NCOA6: variants seen among roughly 807,000 people sequenced by gnomAD.
The protein encoded by NCOA6 is nuclear receptor coactivator 6, also known as NRC RAP250.
In NCOA6, 49 loss-of-function variants were observed where a neutral mutation model predicts 171.4. That is an observed-to-expected ratio of 0.29 (90% CI 0.23 to 0.36). NCOA6 has a LOEUF of 0.36. Ranked by LOEUF, NCOA6 falls within the 10% of genes least tolerant of loss-of-function variation. NCOA6 has a pLI of 1.00. For missense variants in NCOA6, 2,248 were observed against 2,554.5 expected (o/e 0.88, Z 2.59); for synonymous variants, 910 against 927.5 (o/e 0.98, Z 0.34).
intron 12 of NCOA6, 42 bp from the exon 13 acceptor site, chr20:34,732,637 G>A: frequency 6.4e-7 from 1 of 1,556,220 alleles, no homozygotes; most frequent in South Asian, 1.1e-5. Flanking sequence ...TGTGGGAGCT[G>A]CCACAGAGAG....
intron 5 of NCOA6, among the ~76,000 whole-genome samples, chr20:34,768,085 C>T (rs2077034298): frequency 6.6e-6 from 1 of 152,188 alleles, no homozygotes; most frequent in Admixed American, 6.5e-5. Context: ...ACTCAATTCA[C>T]AGATATTCTC....
rs1269198212 is a variant in NCOA6, at chr20:34,749,522, C to T, written c.2673G>A (p.Leu891=). The T allele has an allele frequency of 6.2e-7, 1 of 1,614,172 alleles. No individual in the cohort carries two copies. The highest frequency in any genetic ancestry group is 1.1e-5 in the South Asian group (1 of 91,088). The change falls in exon 9 of 15, where the codon TTG becomes TTA. Residue 891 remains leucine (L), a synonymous_variant. Transcript: ENST00000359003. ...TLTSPLLVNL[L]QSDISAGHFG... ...AATGGCCTGCAGATATGTCACTCTG[C>T]AATAAGTTGACCAACAATGGGCTCG...
intron 14 of NCOA6, among the ~76,000 whole-genome samples, chr20:34,721,729 C>A (rs913043405): frequency 6.6e-6 from 1 of 152,080 alleles, no homozygotes; most frequent in Non-Finnish European, 1.5e-5. Context: ...CAGACCACTA[C>A]CAACCAGTCC....
chr20:34,746,504 A>G (rs1370910117), intron 10 of NCOA6, among the ~76,000 whole-genome samples: 2 of 152,202 alleles, frequency 1.3e-5, no homozygotes, highest in African/African-American at 2.4e-5. Flanking sequence ...TGGCCTCCCA[A>G]AGTGCTGTGA....
chr20:34,757,259 G>A lies in NCOA6; in HGVS notation c.1489C>T (p.Pro497Ser), dbSNP rs771527535. ...PNFMVMQQQPPNQGPQSLHPG... is the reference protein window; with the variant it reads ...PNFMVMQQQPSNQGPQSLHPG... ...TGTAAACTCTGTGGCCCCTGGTTTG[G>A]TGGTTGCTGCTGCATCACCATGAAG... The change falls in exon 7 of 15, where the codon CCA becomes TCA. Residue 497 changes from proline (P) to serine (S), a missense_variant. Physicochemically the swap from Pro to Ser is moderately conservative, Grantham distance 74. Coordinates refer to ENST00000359003, the MANE Select transcript of NCOA6 (RefSeq NM_014071.5). 1 of 1,607,836 alleles carries A rather than the reference G, an allele frequency of 6.2e-7. No homozygotes were observed. The highest frequency in any genetic ancestry group is 1.3e-5 in the African/African-American group (1 of 75,024).
intron 1 of NCOA6, among the ~76,000 whole-genome samples, chr20:34,806,644 T>A (rs1174019296): frequency 6.6e-6 from 1 of 152,212 alleles, no homozygotes; most frequent in Non-Finnish European, 1.5e-5. Context: ...TTTCTCAGCA[T>A]ATGCATTGAA....
At chr20:34,786,736 T>C (rs571616318) in intron 2 of NCOA6, among the ~76,000 whole-genome samples, 6 of 152,288 alleles carry the variant, frequency 3.9e-5, no homozygotes, top group Admixed American at 6.5e-5. Flanking sequence ...GGATTCCCTA[T>C]TTAATAAATG....
intron 14 of NCOA6, among the ~76,000 whole-genome samples, chr20:34,718,522 T>C (rs1988890040): frequency 6.6e-6 from 1 of 152,052 alleles, no homozygotes; most frequent in Admixed American, 6.5e-5. Context: ...TTACTTTTTT[T>C]TTTGAGACAG....
At position 34,776,431 on chromosome 20, in the gene NCOA6, C is replaced by A. The variant is rs769028900; in HGVS notation, c.253G>T (p.Val85Leu). Residue 85 changes from valine to leucine, a missense_variant, in exon 4 of 15, where the codon GTA becomes TTA. Val to Leu is a conservative substitution (Grantham distance 32). Coordinates refer to ENST00000359003, the MANE Select transcript of NCOA6 (RefSeq NM_014071.5). ...CTGTTCCAGGGCTCCACCTTCTGTACTTTTAGCTTGCTGGACTCTTGATTG... is the reference window on the plus strand; with the variant it reads ...CTGTTCCAGGGCTCCACCTTCTGTAATTTTAGCTTGCTGGACTCTTGATTG... ...LLHMESSKLK[V>L]QKVEPWNSVR... is the part of the protein sequence containing the mutation. 1 of 1,614,040 alleles carries A rather than the reference C, an allele frequency of 6.2e-7. No homozygotes were observed. The highest frequency in any genetic ancestry group is 1.7e-5 in the Admixed American group (1 of 60,002).
intron 1 of NCOA6, chr20:34,809,310 C>A (rs2078574150): frequency 1.3e-5 from 5 of 393,460 alleles, no homozygotes; most frequent in Non-Finnish European, 2.2e-5. Flanking sequence ...CCAAATGCAG[C>A]TTGCCAAAGT....
chr20:34,757,289 G>A lies in NCOA6; in HGVS notation c.1459C>T (p.Pro487Ser). Residue 487 changes from proline to serine, a missense_variant, in exon 7 of 15, where the codon CCT becomes TCT. Physicochemically the swap from Pro to Ser is moderately conservative, Grantham distance 74. This residue lies in a region of NCOA6 where 987 missense variants were observed against 1,104.7 expected (regional missense o/e 0.89). Transcript: ENST00000359003. ...TGCTGCTGCATCACCATGAAGTTAG[G>A]TGGCACATTTCCCTGTTGAACCATA... ...NPMVQQGNVPPNFMVMQQQPP... is the reference protein window; with the variant it reads ...NPMVQQGNVPSNFMVMQQQPP... The A allele has an allele frequency of 1.9e-6, 3 of 1,613,674 alleles. No individual in the cohort carries two copies. The highest frequency in any genetic ancestry group is 1.1e-5 in the South Asian group (1 of 91,040).
chr20:34,794,595 G>A (rs911910967), intron 1 of NCOA6, among the ~76,000 whole-genome samples: 1 of 152,072 alleles, frequency 6.6e-6, no homozygotes, highest in Non-Finnish European at 1.5e-5. Context: ...AAAAAAAACA[G>A]AGTAAACCAT....
At chr20:34,800,108 T>G (rs187517880) in intron 1 of NCOA6, among the ~76,000 whole-genome samples, 1 of 152,154 alleles carries the variant, frequency 6.6e-6, no homozygotes, top group African/African-American at 2.4e-5. Context: ...AGTTAGTATG[T>G]AGAGTTTTTA....
intron 14 of NCOA6, among the ~76,000 whole-genome samples, chr20:34,724,479 T>C (rs1989732125): frequency 6.6e-6 from 1 of 152,148 alleles, no homozygotes. Flanking sequence ...ATCCCAATGA[T>C]ACTTGACCGT....
chr20:34,736,402 A>C (rs549926661), intron 12 of NCOA6, among the ~76,000 whole-genome samples: 3 of 152,176 alleles, frequency 2.0e-5, no homozygotes, highest in Non-Finnish European at 4.4e-5. Flanking sequence ...AAAACTCTGC[A>C]ACAGAAACCC....
intron 8 of NCOA6, among the ~76,000 whole-genome samples, chr20:34,753,454 G>A (rs549453260): frequency 6.6e-6 from 1 of 151,962 alleles, no homozygotes; most frequent in Non-Finnish European, 1.5e-5. Context: ...GAGGTCAGGA[G>A]TTCAAAGACC....
At chr20:34,798,185 T>C (rs2078143554) in intron 1 of NCOA6, among the ~76,000 whole-genome samples, 1 of 152,144 alleles carries the variant, frequency 6.6e-6, no homozygotes, top group Non-Finnish European at 1.5e-5. Flanking sequence ...CAGGTGGTGC[T>C]TGCCACAGGT....
In NCOA6 at chr20:34,743,162, G is replaced by T. The variant is rs760827509; in HGVS notation, c.3094C>A (p.Gln1032Lys). The T allele has an allele frequency of 3.7e-6, 6 of 1,613,962 alleles. No individual in the cohort carries two copies. The Admixed American group carries it at 8.3e-5, about 22-fold the overall frequency. Residue 1032 changes from glutamine (Q) to lysine (K), a missense_variant, in exon 11 of 15, where the codon CAA becomes AAA. Physicochemically the swap from Gln to Lys is moderately conservative, Grantham distance 53. Transcript: ENST00000359003. ...QSQQQQQQQQ[Q>K]MMMMLMMQQD... Reference sequence around the variant, plus strand: ...TGCATCATGAGCATCATCATCATTTGTTGCTGCTGCTGCTGCTGCTGCTGA... The same window carrying T: ...TGCATCATGAGCATCATCATCATTTTTTGCTGCTGCTGCTGCTGCTGCTGA...
At chr20:34,808,852 T>C (rs1358761369) in intron 1 of NCOA6, among the ~76,000 whole-genome samples, 1 of 152,204 alleles carries the variant, frequency 6.6e-6, no homozygotes, top group Non-Finnish European at 1.5e-5. Flanking sequence ...ATGGCATCAG[T>C]TGTCCAAGCT....
Sources: gnomAD v4.1 joint callset for allele counts (sites outside exome capture counted in the v4.1 genomes callset) on GRCh38, gnomAD v4.1.1 for gene constraint, gnomAD v4.1.1 regional missense constraint, MANE v1.5 for transcripts, NCBI Gene and HGNC (gene_info 2026-07-23, HGNC 2026-07-21) for gene names.